PPP1R1C: variants seen among roughly 807,000 people sequenced by gnomAD.
PPP1R1C encodes protein phosphatase 1 regulatory inhibitor subunit 1C.
Under a neutral mutation model 17.4 loss-of-function variants are expected in PPP1R1C, and 15 were observed. That is an observed-to-expected ratio of 0.86 (90% CI 0.58 to 1.33). The LOEUF is 1.33. PPP1R1C is among the 40% of genes most tolerant of loss of function. PPP1R1C has a pLI of 0.00. For missense variants in PPP1R1C, 143 were observed against 130.0 expected, an observed-to-expected ratio of 1.10 and a Z score of -0.48; for synonymous variants, 35 against 43.1, an observed-to-expected ratio of 0.81 and a Z score of 0.73.
At chr2:181,975,101 T>C (rs906036321) in intron 1 of PPP1R1C, 5 of 152,010 alleles carry the variant, frequency 3.3e-5, no homozygotes, top group Admixed American at 1.3e-4. Flanking sequence ...AATTATAATA[T>C]AAAATTTTGG....
chr2:182,000,712 G>T (rs1375021204), intron 2 of PPP1R1C, among the ~76,000 whole-genome samples: 2 of 152,188 alleles, frequency 1.3e-5, no homozygotes, highest in South Asian at 2.1e-4. Flanking sequence ...AGCCATTAAA[G>T]GTGAACAAGG....
At chr2:182,086,564 A>T (rs1028901463) in intron 4 of PPP1R1C, among the ~76,000 whole-genome samples, 9 of 152,202 alleles carry the variant, frequency 5.9e-5, no homozygotes, top group African/African-American at 2.2e-4. Context: ...ACATTAAGTG[A>T]AAAAAGCTGG....
At chr2:181,971,736 G>A (rs1685012044) in intron 1 of PPP1R1C, among the ~76,000 whole-genome samples, 1 of 152,174 alleles carries the variant, frequency 6.6e-6, no homozygotes, top group African/African-American at 2.4e-5. Context: ...GTAGAACTCA[G>A]GTTCTGACTG....
chr2:182,063,974 TG>T, intron 4 of PPP1R1C, 183 bp downstream of exon 4: 1 of 478,628 alleles, frequency 2.1e-6, no homozygotes, highest in South Asian at 4.7e-5. Context: ...GAGTAAAATA[TG>T]GGGTTGAAAA....
chr2:182,042,924 A>G (rs897366842), intron 2 of PPP1R1C, among the ~76,000 whole-genome samples: 1 of 152,250 alleles, frequency 6.6e-6, no homozygotes, highest in African/African-American at 2.4e-5. Context: ...TTCTGGATGC[A>G]GGGCATCTGA....
chr2:182,078,884 T>C (rs1688393047), intron 4 of PPP1R1C, among the ~76,000 whole-genome samples: 1 of 152,242 alleles, frequency 6.6e-6, no homozygotes, highest in Non-Finnish European at 1.5e-5. Flanking sequence ...ACCAACAGAA[T>C]GACACAGAGA....
At chr2:182,072,789 AT>A (rs1688177605) in intron 4 of PPP1R1C, among the ~76,000 whole-genome samples, 1 of 152,210 alleles carries the variant, frequency 6.6e-6, no homozygotes, top group Admixed American at 6.5e-5. Flanking sequence ...AACTCGTGTT[AT>A]TGATCCTTAT....
chr2:182,078,116 G>A (rs866120529), intron 4 of PPP1R1C, among the ~76,000 whole-genome samples: 51 of 152,284 alleles, frequency 3.3e-4, no homozygotes, highest in African/African-American at 1.1e-3. Flanking sequence ...GGTGGCAGAG[G>A]CTGCAGTGAG....
upstream of PPP1R1C, among the ~76,000 whole-genome samples, chr2:181,984,401 T>C (rs905932509): frequency 6.6e-6 from 1 of 152,230 alleles, no homozygotes; most frequent in African/African-American, 2.4e-5. Flanking sequence ...TTTATATAAT[T>C]TGAAGATATA....
intron 4 of PPP1R1C, among the ~76,000 whole-genome samples, chr2:182,113,679 T>G (rs1427283296): frequency 6.6e-6 from 1 of 152,160 alleles, no homozygotes; most frequent in East Asian, 1.9e-4. Context: ...TTTTTTTTTT[T>G]TAGAACTAAA....
At chr2:182,091,006 C>G (rs1296919242) in intron 4 of PPP1R1C, among the ~76,000 whole-genome samples, 1 of 152,058 alleles carries the variant, frequency 6.6e-6, no homozygotes, top group African/African-American at 2.4e-5. Flanking sequence ...TAACCAAGAC[C>G]AGGATTAAAA....
chr2:181,979,344 A>G lies in PPP1R1C; in HGVS notation n.157+4080A>G, dbSNP rs192590151. ...CAATTTCATTAAATAACTATATTCT[A>G]TGCATCTCCCTCTCCATTTTCACTG... On this transcript the variant is annotated intron_variant and non_coding_transcript_variant, in intron 2 of 5. Transcript: ENST00000464264. Among the ~76,000 whole-genome samples the G allele has an allele frequency of 5.5e-3, 842 of 152,234 alleles. 4 individuals carry two copies. Among genetic ancestry groups the G allele is most frequent in the Non-Finnish European group, 7.9e-3 (539 of 67,998 alleles).
intron 2 of PPP1R1C, among the ~76,000 whole-genome samples, chr2:182,045,072 T>G (rs1687302742): frequency 6.6e-6 from 1 of 152,180 alleles, no homozygotes; most frequent in Admixed American, 6.5e-5. Flanking sequence ...CTTTCACAGT[T>G]CTTCCATATA....
chr2:182,040,723 T>G (rs2125179083), intron 2 of PPP1R1C, among the ~76,000 whole-genome samples: 1 of 152,328 alleles, frequency 6.6e-6, no homozygotes, highest in South Asian at 2.1e-4. Flanking sequence ...TCATGAATTC[T>G]TTGCCTAGGC....
chr2:182,035,491 C>A lies in PPP1R1C; in HGVS notation c.143-25951C>A, dbSNP rs563217180. On this transcript the variant is annotated intron_variant, in intron 2 of 4. Coordinates refer to ENST00000682840, the MANE Select transcript of PPP1R1C (RefSeq NM_001080545.3). ...ATATAGTTTGTCTCTGTGTCCCCAC[C>A]CAAATCTCATGTTAAGTTGTGATCC... Among the ~76,000 whole-genome samples the A allele has an allele frequency of 1.2e-3, 182 of 152,118 alleles. 1 individual carries two copies. Among genetic ancestry groups the A allele is most frequent in the African/African-American group, 4.2e-3 (173 of 41,482 alleles).
At chr2:182,053,497 C>A (rs1205147093) in intron 2 of PPP1R1C, among the ~76,000 whole-genome samples, 2 of 152,064 alleles carry the variant, frequency 1.3e-5, no homozygotes, top group African/African-American at 4.8e-5. Flanking sequence ...ATGCCTTTGC[C>A]TTTGCCATTT....
intron 4 of PPP1R1C, among the ~76,000 whole-genome samples, chr2:182,097,482 A>C (rs1377778593): frequency 6.6e-6 from 1 of 152,154 alleles, no homozygotes; most frequent in African/African-American, 2.4e-5. Context: ...AACCACATAC[A>C]CACCAGTTCT....
intron 4 of PPP1R1C, among the ~76,000 whole-genome samples, chr2:182,080,222 C>G (rs1260809489): frequency 1.3e-5 from 2 of 152,204 alleles, no homozygotes; most frequent in Non-Finnish European, 2.9e-5. Flanking sequence ...CATTGCATAT[C>G]TTCTCGACAG....
At chr2:182,005,317 T>G (rs1685885852) in intron 2 of PPP1R1C, among the ~76,000 whole-genome samples, 1 of 152,342 alleles carries the variant, frequency 6.6e-6, no homozygotes, top group Middle Eastern at 3.4e-3. Context: ...ACTGACATGC[T>G]GCCAGAAAAT....
Sources: gnomAD v4.1 joint callset for allele counts (sites outside exome capture counted in the v4.1 genomes callset) on GRCh38, gnomAD v4.1.1 for gene constraint, MANE v1.5 for transcripts, NCBI Gene and HGNC (gene_info 2026-07-23, HGNC 2026-07-21) for gene names.